QRICH2: variants seen among roughly 807,000 people sequenced by gnomAD.
The protein encoded by QRICH2 is glutamine-rich protein 2.
QRICH2 carries 119 observed loss-of-function variants against 168.3 expected under a neutral mutation model. That is an observed-to-expected ratio of 0.71 (90% CI 0.61 to 0.82). The LOEUF (loss-of-function observed/expected upper bound fraction) is 0.82, where lower values mean the gene tolerates loss of function less well. QRICH2 is among the 40% of genes least tolerant of loss of function. The pLI is 0.00. For missense variants in QRICH2, 2,241 were observed against 2,491.6 expected, an observed-to-expected ratio of 0.90 and a Z score of 2.14; for synonymous variants, 894 against 951.2, an observed-to-expected ratio of 0.94 and a Z score of 1.11.
intron 3 of QRICH2, among the ~76,000 whole-genome samples, chr17:76,300,703 T>C (rs2070882807): frequency 6.6e-6 from 1 of 151,858 alleles, no homozygotes; most frequent in Non-Finnish European, 1.5e-5. Flanking sequence ...GGCAGACTGC[T>C]CGAGGCCAGG....
At chr17:76,301,870 TTTTGTGTGTGTGTGTG>T (rs1212881146) in intron 3 of QRICH2, among the ~76,000 whole-genome samples, 12 of 105,188 alleles carry the variant, frequency 1.1e-4, no homozygotes, top group African/African-American at 4.0e-4. Flanking sequence ...ACCTGGCTAA[TTTTGTGTGTGTGTGTG>T]TGTGTGTGTG....
At chr17:76,297,275 C>T (rs182130735) in intron 3 of QRICH2, among the ~76,000 whole-genome samples, 33 of 152,240 alleles carry the variant, frequency 2.2e-4, no homozygotes, top group East Asian at 7.7e-4. Context: ...GGGAGGCCAA[C>T]GCGGGAGGAT....
At chr17:76,277,545 CA>C (rs2070705421) in intron 15 of QRICH2, among the ~76,000 whole-genome samples, 1 of 152,040 alleles carries the variant, frequency 6.6e-6, no homozygotes, top group Non-Finnish European at 1.5e-5. Flanking sequence ...CACACACTCA[CA>C]CATGTACTCA....
At position 76,281,741 on chromosome 17, in the gene QRICH2, C is replaced by A; in HGVS notation, c.4263+123G>T. 1 of 1,248,520 alleles carries A rather than the reference C, an allele frequency of 8.0e-7. No individual in the cohort carries two copies. The highest frequency in any genetic ancestry group is 1.1e-6 in the Non-Finnish European group (1 of 887,434). The allele number at this position is 1,248,520 out of a possible 1,614,324, so 77.3% of individuals were successfully genotyped here. A position where few individuals can be genotyped will look rare whatever the true frequency, so the allele number is the denominator to read the frequency against. On this transcript the variant is annotated intron_variant, in intron 8 of 18. Coordinates refer to ENST00000680821, the MANE Select transcript of QRICH2 (RefSeq NM_001388453.1). This position sits in a 1 kb window ranked among gnomAD's most constrained non-coding sequence, Gnocchi z 4.4. The stretch of plus-strand genomic sequence containing the variant: ...CTTGTGGGATCTGGCTAAAGGGCTC[C>A]GCCACGGAGAGCTGACCTTGAGGCC...
intron 1 of QRICH2, 88 bp from the exon 2 acceptor site, chr17:76,305,029 T>A (rs553036506): frequency 1.2e-5 from 10 of 834,244 alleles, no homozygotes; most frequent in South Asian, 1.5e-5. Context: ...GCACACACAC[T>A]CTCACACTCA....
At chr17:76,279,977 C>A in intron 12 of QRICH2, 56 bp downstream of exon 12, 2 of 1,543,144 alleles carry the variant, frequency 1.3e-6, no homozygotes, top group South Asian at 1.2e-5. Flanking sequence ...CCAGCCCCCT[C>A]TGCCCTCACC....
At position 76,292,860 on chromosome 17, in the gene QRICH2, GC is replaced by G; in HGVS notation, c.1866del (p.Trp622CysfsTer19). The G allele has an allele frequency of 1.2e-6, 2 of 1,602,582 alleles. No homozygotes were observed. On this transcript the variant is annotated frameshift_variant, in exon 4 of 19. Coordinates refer to ENST00000680821, the MANE Select transcript of QRICH2 (RefSeq NM_001388453.1). LOFTEE classifies it high-confidence loss of function. ...QPGADQRGLV[W>X]PGMDQSGLAQ... ...GCCAAACCAGACTGATCCATTCCAG[GC>G]CAGACCAAACCACGCTGATCTGCAC...
At chr17:76,279,317 G>A (rs771428359) in intron 13 of QRICH2, 46 bp downstream of exon 13, 60 of 1,525,870 alleles carry the variant, frequency 3.9e-5, no homozygotes, top group African/African-American at 6.8e-5. Flanking sequence ...GGGAGGAGAC[G>A]CAGCCCTGCC....
In QRICH2 at chr17:76,291,641, T is replaced by C. The variant is rs1322083429; in HGVS notation, c.3086A>G (p.Gln1029Arg). The C allele has an allele frequency of 4.3e-6, 7 of 1,614,018 alleles. No individual in the cohort carries two copies. The highest frequency in any genetic ancestry group is 5.9e-6 in the Non-Finnish European group (7 of 1,180,024). The change falls in exon 4 of 19, where the codon CAA becomes CGA. Residue 1029 changes from glutamine to arginine, a missense_variant. Transcript: ENST00000680821. Reference protein sequence around the residue: ...YGQVSPLLASQGLASPGIDRR... With the variant: ...YGQVSPLLASRGLASPGIDRR... The stretch of plus-strand genomic sequence containing the variant: ...ATCTATACCAGGTGATGCCAAACCT[T>C]GACTGGCTAGGAGTGGTGACACCTG...
intron 13 of QRICH2, 105 bp downstream of exon 13, chr17:76,279,258 G>T: frequency 7.5e-7 from 1 of 1,334,758 alleles, no homozygotes; most frequent in Non-Finnish European, 1.1e-6. Context: ...AGCGAGGGCT[G>T]GAAGCAGACA....
intron 7 of QRICH2, 117 bp from the exon 8 acceptor site, chr17:76,282,232 G>T: frequency 7.7e-7 from 1 of 1,290,480 alleles, no homozygotes; most frequent in Non-Finnish European, 1.0e-6. Flanking sequence ...CTGGGCAGTT[G>T]CTGCATCCTC....
intron 3 of QRICH2, among the ~76,000 whole-genome samples, chr17:76,298,891 T>C (rs1338126869): frequency 2.0e-5 from 3 of 152,112 alleles, no homozygotes; most frequent in Admixed American, 1.3e-4. Flanking sequence ...GCTGGAATTA[T>C]AGGTGTGAGC....
chr17:76,300,454 A>C (rs1009152927), intron 3 of QRICH2, among the ~76,000 whole-genome samples: 1 of 152,178 alleles, frequency 6.6e-6, no homozygotes, highest in African/African-American at 2.4e-5. Context: ...GTAAGCACAT[A>C]CAACACACCT....
Position 76,308,099 on chromosome 17 carries a change from C to T in QRICH2, c.-101G>A, listed in dbSNP as rs189538460. ...GGCCTTTCGGGGGCCCTGCGAGGTC[C>T]TCGGGGCGCCCCTGCCCCGGGTCCG... On this transcript the variant is annotated 5_prime_UTR_variant, in exon 1 of 19. Coordinates refer to ENST00000680821, the MANE Select transcript of QRICH2 (RefSeq NM_001388453.1). 8,330 of 1,222,384 alleles carry T rather than the reference C, an allele frequency of 6.8e-3. 36 individuals are homozygous for T. Among genetic ancestry groups the T allele is most frequent in the Non-Finnish European group, 7.6e-3 (7,470 of 983,330 alleles). The allele number at this position is 1,222,384 out of a possible 1,614,324, so 75.7% of individuals were successfully genotyped here.
At chr17:76,286,189 T>C (rs1446933120) in intron 7 of QRICH2, among the ~76,000 whole-genome samples, 1 of 147,900 alleles carries the variant, frequency 6.8e-6, no homozygotes, top group Non-Finnish European at 1.5e-5. Flanking sequence ...AAAAAAAATG[T>C]ATACATGAAT....
In QRICH2 at chr17:76,275,861, AG is replaced by A. The variant is rs1568101912; in HGVS notation, c.5439del (p.Ser1814LeufsTer80). ...GAAATCTGGGCGCTCTGTGGCCGAG[AG>A]GGCAGCTGGCCATTGCTGCTGAGGG... ...PPSLSSNGQL[P>X]SRPQSAQISA... On this transcript the variant is annotated frameshift_variant, in exon 18 of 19. Transcript: ENST00000680821. LOFTEE classifies it low-confidence loss of function (END_TRUNC). 1 of 1,608,166 alleles carries A rather than the reference AG, an allele frequency of 6.2e-7. No homozygotes were observed. The highest frequency in any genetic ancestry group is 1.7e-5 in the Admixed American group (1 of 60,016).
rs751641638 is a variant in QRICH2 at position 76,293,439 on chromosome 17, G to A, written c.1288C>T (p.Arg430Trp). ...TCCACGACAAATGGTATCAATTCCC[G>A]ATCATCCATTTCAGGTGGTGGCACA... ...LGVPPPEMDD[R>W]ELIPFVVDEQ... The change falls in exon 4 of 19, where the codon CGG becomes TGG. Residue 430 changes from arginine (R) to tryptophan (W), a missense_variant. Transcript: ENST00000680821. 7.4e-6 allele frequency: 12 copies of A among 1,614,150 alleles called. No homozygotes were observed. Among genetic ancestry groups the A allele is most frequent in the South Asian group, 5.5e-5 (5 of 91,078 alleles).
chr17:76,293,913 C>T lies in QRICH2; in HGVS notation c.814G>A (p.Ala272Thr), dbSNP rs752327002. The change falls in exon 4 of 19, where the codon GCT becomes ACT. Residue 272 changes from alanine (A) to threonine (T), a missense_variant. Physicochemically the swap from Ala to Thr is moderately conservative, Grantham distance 58. Coordinates refer to ENST00000680821, the MANE Select transcript of QRICH2 (RefSeq NM_001388453.1). ...DSTKQPSIEQ[A>T]LDSASGLGPD... ...CCAAGACCACTGGCAGAATCCAGAG[C>T]CTGCTCAATACTTGGTTGCTTGGTA... 5.6e-6 allele frequency: 9 copies of T among 1,614,016 alleles called. No homozygotes were observed. The highest frequency in any genetic ancestry group is 7.6e-6 in the Non-Finnish European group (9 of 1,180,042).
chr17:76,302,616 A>C (rs73996303), intron 3 of QRICH2, among the ~76,000 whole-genome samples: 13,524 of 152,148 alleles, frequency 0.089, 1,235 homozygotes, highest in African/African-American at 0.23. Flanking sequence ...TGCCAGCCAC[A>C]CTTAGAGGCT....
Sources: allele counts gnomAD v4.1 joint callset (sites outside exome capture counted in the v4.1 genomes callset), GRCh38; gene constraint gnomAD v4.1.1; non-coding constraint Gnocchi (gnomAD v3.1); transcripts MANE v1.5; gene names NCBI Gene and HGNC (gene_info 2026-07-23, HGNC 2026-07-21).